Variants in MEGF10 observed in about 807,000 individuals in gnomAD.
MEGF10 encodes multiple EGF like domains 10.
MEGF10 carries 86 observed loss-of-function variants against 147.5 expected under a neutral mutation model. That is an observed-to-expected ratio of 0.58 (90% CI 0.49 to 0.70). MEGF10 has a LOEUF of 0.70. MEGF10 is among the 30% of genes least tolerant of loss of function. The probability of loss-of-function intolerance (pLI) is 0.00; values close to 1 mark genes in which losing one functional copy is unlikely to be tolerated. For synonymous variants in MEGF10, 478 were observed against 525.5 expected, an observed-to-expected ratio of 0.91 and a Z score of 1.24; for missense variants, 1,329 against 1,487.3, an observed-to-expected ratio of 0.89 and a Z score of 1.75.
chr5:127,270,983 T>C, the MEGF10 span, among the ~76,000 whole-genome samples: 3 of 152,220 alleles, frequency 2.0e-5, no homozygotes, highest in African/African-American at 7.2e-5. Context: ...TGATGGTTAA[T>C]TCCATGTCTT....
At chr5:127,428,141 A>ATTTTTTTTTTTTTTTT (rs66935934) in intron 13 of MEGF10, among the ~76,000 whole-genome samples, 15 of 103,572 alleles carry the variant, frequency 1.4e-4, no homozygotes, top group Non-Finnish European at 1.4e-4. Flanking sequence ...GGTGTCTGGT[A>ATTTTTTTTTTTTTTTT]TTTTTTTTTT....
intron 4 of MEGF10, among the ~76,000 whole-genome samples, chr5:127,362,033 C>A (rs1353288932): frequency 2.0e-5 from 3 of 151,968 alleles, no homozygotes; most frequent in Admixed American, 6.6e-5. Context: ...TTAATTACAT[C>A]AAGTTGGTTT....
intron 22 of MEGF10, among the ~76,000 whole-genome samples, chr5:127,451,702 A>G (rs1766160453): frequency 6.6e-6 from 1 of 152,228 alleles, no homozygotes; most frequent in South Asian, 2.1e-4. Flanking sequence ...TTCTGGCTCA[A>G]TGAGACCCAA....
chr5:127,244,310 T>C, the MEGF10 span, among the ~76,000 whole-genome samples: 1,704 of 150,946 alleles, frequency 0.011, 22 homozygotes, highest in African/African-American at 0.032. Context: ...AATAGTATTA[T>C]TGGGCTATCG....
intron 18 of MEGF10, 48 bp from the exon 19 acceptor site, chr5:127,442,950 C>T (rs998257350): frequency 6.3e-7 from 1 of 1,580,070 alleles, no homozygotes; most frequent in African/African-American, 1.3e-5. Context: ...GACAGCCTTG[C>T]TCCAAATTCC....
chr5:127,260,205 T>TA, the MEGF10 span, among the ~76,000 whole-genome samples: 1 of 151,382 alleles, frequency 6.6e-6, no homozygotes, highest in Non-Finnish European at 1.5e-5. Flanking sequence ...GTAAAAAAAA[T>TA]AAAAAAGAAT....
At position 127,290,970 on chromosome 5, in the gene MEGF10, T is replaced by C. The variant is rs1759226426; in HGVS notation, c.-105T>C. On this transcript the variant is annotated 5_prime_UTR_variant, in exon 1 of 25. Transcript: ENST00000503335. ...GCTGCTTGGACGCTAACCGCGTTGA[T>C]TGGAACAGATTTTGTGTCTTGGCTG... 1 of 152,450 alleles carries C rather than the reference T, an allele frequency of 6.6e-6. No homozygotes were observed. The highest frequency in any genetic ancestry group is 3.4e-3 in the Middle Eastern group (1 of 296). 9.4% of individuals were successfully genotyped at this position (152,450 alleles called of 1,614,324 possible). A position where few individuals can be genotyped will look rare whatever the true frequency, so the allele number is the denominator to read the frequency against.
intron 1 of MEGF10, among the ~76,000 whole-genome samples, chr5:127,326,938 T>C (rs924660973): frequency 6.6e-6 from 1 of 152,184 alleles, no homozygotes; most frequent in Non-Finnish European, 1.5e-5. Flanking sequence ...CCCTCTGTTG[T>C]TTCAAAAATA....
At chr5:127,448,128 C>A (rs1438595471) in intron 21 of MEGF10, among the ~76,000 whole-genome samples, 2 of 152,158 alleles carry the variant, frequency 1.3e-5, no homozygotes, top group Non-Finnish European at 2.9e-5. Context: ...CTCCAGTACC[C>A]GTTCCTGGCC....
chr5:127,430,730 A>G (rs150254355), intron 13 of MEGF10, among the ~76,000 whole-genome samples: 2 of 152,280 alleles, frequency 1.3e-5, no homozygotes, highest in African/African-American at 4.8e-5. Context: ...GTACAGCAAG[A>G]GGAGGAAAGA....
chr5:127,338,218 G>A (rs1319928172), intron 2 of MEGF10, among the ~76,000 whole-genome samples: 5 of 152,016 alleles, frequency 3.3e-5, no homozygotes, highest in Non-Finnish European at 5.9e-5. Context: ...TTTTGTTTGT[G>A]TGAATTAAAG....
intron 17 of MEGF10, among the ~76,000 whole-genome samples, chr5:127,439,096 T>A (rs980119447): frequency 2.0e-5 from 3 of 152,218 alleles, no homozygotes; most frequent in Non-Finnish European, 4.4e-5. Context: ...GCCATTTTTA[T>A]CAACTGGTAG....
chr5:127,451,006 G>T (rs1766136624), intron 22 of MEGF10, among the ~76,000 whole-genome samples: 1 of 152,108 alleles, frequency 6.6e-6, no homozygotes, highest in Non-Finnish European at 1.5e-5. Flanking sequence ...TGATCTTCTT[G>T]CCTCAGCCTC....
At chr5:127,422,065 T>C (rs1245174053) in intron 12 of MEGF10, among the ~76,000 whole-genome samples, 1 of 151,012 alleles carries the variant, frequency 6.6e-6, no homozygotes, top group Admixed American at 6.6e-5. Flanking sequence ...TATAATTTTA[T>C]AATTTAAAAA....
At chr5:127,301,783 A>G (rs1759782839) in intron 1 of MEGF10, among the ~76,000 whole-genome samples, 1 of 152,254 alleles carries the variant, frequency 6.6e-6, no homozygotes, top group African/African-American at 2.4e-5. Flanking sequence ...TGCTCAATAT[A>G]TATTAGTTAT....
At chr5:127,368,033 T>C (rs1352755445) in intron 4 of MEGF10, among the ~76,000 whole-genome samples, 1 of 152,140 alleles carries the variant, frequency 6.6e-6, no homozygotes, top group Admixed American at 6.6e-5. Context: ...TATGTACATA[T>C]CTAAATTTTA....
chr5:127,438,660 AG>A (rs1164995415), intron 17 of MEGF10, 93 bp downstream of exon 17: 3 of 1,396,948 alleles, frequency 2.1e-6, no homozygotes, highest in African/African-American at 2.9e-5. Context: ...AGCTCAACAA[AG>A]GTCCCTGAGG....
intron 5 of MEGF10, among the ~76,000 whole-genome samples, chr5:127,385,602 T>G (rs1561610430): frequency 6.6e-6 from 1 of 152,238 alleles, no homozygotes; most frequent in Non-Finnish European, 1.5e-5. Flanking sequence ...GCATATGTAG[T>G]GTTAGTTATT....
intron 5 of MEGF10, among the ~76,000 whole-genome samples, chr5:127,370,415 T>C (rs1254737504): frequency 6.6e-6 from 1 of 152,218 alleles, no homozygotes; most frequent in African/African-American, 2.4e-5. Flanking sequence ...CTGTTGGTTT[T>C]TAACTCAGAA....
Sources: allele counts gnomAD v4.1 joint callset (sites outside exome capture counted in the v4.1 genomes callset), GRCh38; gene constraint gnomAD v4.1.1; transcripts MANE v1.5; gene names NCBI Gene and HGNC (gene_info 2026-07-23, HGNC 2026-07-21).